MED12L: variants seen among roughly 807,000 people sequenced by gnomAD.
The protein encoded by MED12L is mediator of RNA polymerase II transcription subunit 12-like protein.
MED12L carries 60 observed loss-of-function variants against 281.3 expected under a neutral mutation model. The ratio of observed to expected loss-of-function variants is 0.21; its 90% CI spans 0.17 to 0.26. The LOEUF (loss-of-function observed/expected upper bound fraction) is 0.26, where lower values mean the gene tolerates loss of function less well. Ranked by LOEUF, MED12L falls within the 10% of genes least tolerant of loss-of-function variation. The pLI is 1.00. For synonymous variants in MED12L, 974 were observed against 987.2 expected (o/e 0.99, Z 0.25); for missense variants, 2,146 against 2,680.9 (o/e 0.80, Z 4.41).
At chr3:151,126,919 A>G (rs1714617912) in intron 4 of MED12L, among the ~76,000 whole-genome samples, 1 of 152,212 alleles carries the variant, frequency 6.6e-6, no homozygotes, top group Non-Finnish European at 1.5e-5. Flanking sequence ...AACAGGTTTC[A>G]TTCAGGAGTG....
intron 17 of MED12L, 73 bp downstream of exon 17, chr3:151,350,279 G>C: frequency 6.8e-7 from 1 of 1,468,208 alleles, no homozygotes. Flanking sequence ...CTTTATCAAA[G>C]TGTTCTATGT....
Position 151,433,785 on chromosome 3 carries a change from G to A in MED12L, c.*981G>A, listed in dbSNP as rs1174945857. On this transcript the variant is annotated 3_prime_UTR_variant, in exon 45 of 45. Coordinates refer to ENST00000687756, the MANE Select transcript of MED12L (RefSeq NM_001393769.1). ...GGTTTTCATAAAAGGTGTATTTGCT[G>A]TTTATTTTGTATGGTAAGTATTTGC... 1 of 152,570 alleles carries A rather than the reference G, an allele frequency of 6.6e-6. No homozygotes were observed. Among genetic ancestry groups the A allele is most frequent in the Non-Finnish European group, 1.5e-5 (1 of 68,012 alleles). 9.5% of individuals were successfully genotyped at this position (152,570 alleles called of 1,614,324 possible).
intron 5 of MED12L, among the ~76,000 whole-genome samples, chr3:151,151,030 G>GTTTTTTTTTTTTTTTTT (rs1342933481): frequency 2.5e-4 from 3 of 11,804 alleles, no homozygotes; most frequent in Non-Finnish European, 3.8e-4. Flanking sequence ...TGCTGAAGTA[G>GTTTTTTTTTTTTTTTTT]CTTTTTTTTT....
chr3:151,088,952 GC>G (rs1322381949), intron 2 of MED12L, among the ~76,000 whole-genome samples: 1 of 152,112 alleles, frequency 6.6e-6, no homozygotes, highest in Non-Finnish European at 1.5e-5. Context: ...GTTATGTGTG[GC>G]TGTAGCCAAA....
chr3:151,201,248 C>A (rs1361683562), intron 16 of MED12L, among the ~76,000 whole-genome samples: 1 of 152,142 alleles, frequency 6.6e-6, no homozygotes, highest in Non-Finnish European at 1.5e-5. Context: ...CTCTCTCTCA[C>A]ACGCACATTT....
chr3:151,411,201 T>C lies in MED12L; in HGVS notation c.5911-77T>C. The C allele has an allele frequency of 5.5e-6, 7 of 1,283,496 alleles. No homozygotes were observed. In the South Asian group the frequency reaches 8.8e-5, roughly 16 times the overall value. The allele number at this position is 1,283,496 out of a possible 1,614,324, so 79.5% of individuals were successfully genotyped here. On this transcript the variant is annotated intron_variant, in intron 40 of 44. Transcript: ENST00000687756. ...AGGGGAGTCCTCATGGGTTTGTTTT[T>C]GCCCCATATATCGTAGTGATGGGAA...
intron 39 of MED12L, among the ~76,000 whole-genome samples, chr3:151,404,286 T>C (rs1035541645): frequency 3.3e-5 from 5 of 152,292 alleles, no homozygotes; most frequent in East Asian, 1.9e-4. Flanking sequence ...TCTTATAATA[T>C]ATGGACATGC....
intron 16 of MED12L, among the ~76,000 whole-genome samples, chr3:151,259,087 A>G (rs767979327): frequency 2.2e-4 from 33 of 152,218 alleles, no homozygotes; most frequent in Admixed American, 5.9e-4. Context: ...CATACTTTAA[A>G]TATACTGGAA....
chr3:151,195,770 C>G (rs1724562689), intron 16 of MED12L, among the ~76,000 whole-genome samples: 1 of 152,108 alleles, frequency 6.6e-6, no homozygotes. Flanking sequence ...TTAGTTTCAC[C>G]AAATGTACTG....
intron 2 of MED12L, among the ~76,000 whole-genome samples, chr3:151,113,751 T>C (rs1264742373): frequency 6.6e-6 from 1 of 152,230 alleles, no homozygotes; most frequent in East Asian, 1.9e-4. Context: ...CATTGTTCCA[T>C]GTTCTTTTCC....
At chr3:151,137,738 C>T (rs1164434423) in intron 5 of MED12L, among the ~76,000 whole-genome samples, 4 of 152,040 alleles carry the variant, frequency 2.6e-5, no homozygotes, top group Non-Finnish European at 1.5e-5. Context: ...TGGTTACTTA[C>T]CTGCTTCATC....
At chr3:151,379,587 C>T (rs1711867620) in intron 31 of MED12L, among the ~76,000 whole-genome samples, 1 of 152,146 alleles carries the variant, frequency 6.6e-6, no homozygotes, top group African/African-American at 2.4e-5. Flanking sequence ...TTTTGGAGTC[C>T]TCAGCCCTGG....
At chr3:151,244,373 A>C (rs199964286) in intron 16 of MED12L, among the ~76,000 whole-genome samples, 25,360 of 93,458 alleles carry the variant, frequency 0.27, 4,212 homozygotes, top group Middle Eastern at 0.5. Flanking sequence ...GGATGTAAAG[A>C]TCTCCTCAGC....
intron 16 of MED12L, among the ~76,000 whole-genome samples, chr3:151,292,741 T>A (rs575448863): frequency 1.3e-5 from 2 of 152,116 alleles, no homozygotes; most frequent in Non-Finnish European, 2.9e-5. Flanking sequence ...CCCGGCTGAT[T>A]TTGTATTTTT....
At chr3:151,228,701 C>T (rs1480196687) in intron 16 of MED12L, among the ~76,000 whole-genome samples, 1 of 152,142 alleles carries the variant, frequency 6.6e-6, no homozygotes, top group Non-Finnish European at 1.5e-5. Context: ...TCTAATTTAC[C>T]AGTCCCTACA....
chr3:151,157,277 G>A (rs567328259), intron 6 of MED12L, among the ~76,000 whole-genome samples: 44 of 151,910 alleles, frequency 2.9e-4, no homozygotes, highest in African/African-American at 9.9e-4. Flanking sequence ...CTAAAGGAAT[G>A]AATATAATCG....
chr3:151,232,941 T>C (rs1298132628), intron 16 of MED12L, among the ~76,000 whole-genome samples: 1 of 152,194 alleles, frequency 6.6e-6, no homozygotes, highest in Non-Finnish European at 1.5e-5. Flanking sequence ...TAATATTGTT[T>C]AAAACCATCA....
chr3:151,305,220 T>TCC (rs553330063), intron 16 of MED12L, among the ~76,000 whole-genome samples: 1 of 152,186 alleles, frequency 6.6e-6, no homozygotes, highest in African/African-American at 2.4e-5. Context: ...AGGACCTGGA[T>TCC]CCCGGGCGGG....
At chr3:151,377,503 T>G (rs1009362813) in intron 30 of MED12L, among the ~76,000 whole-genome samples, 4 of 152,192 alleles carry the variant, frequency 2.6e-5, no homozygotes, top group Non-Finnish European at 5.9e-5. Flanking sequence ...TTAATTATTT[T>G]GCACAAATAT....
Sources: allele counts gnomAD v4.1 joint callset (sites outside exome capture counted in the v4.1 genomes callset), GRCh38; gene constraint gnomAD v4.1.1; transcripts MANE v1.5; gene names NCBI Gene and HGNC (gene_info 2026-07-23, HGNC 2026-07-21).